The following PCDH15 variants were observed in gnomAD, a reference collection of about 807,000 sequenced individuals.
PCDH15 encodes protocadherin-15.
A neutral mutation model predicts 178.5 loss-of-function variants in PCDH15; 129 were observed. The observed-to-expected ratio is 0.72, with a 90% CI of 0.63 to 0.84. The LOEUF (loss-of-function observed/expected upper bound fraction) is 0.84. PCDH15 is among the 40% of genes least tolerant of loss of function. The pLI is 0.00. For missense variants in PCDH15, 2,230 were observed against 2,099.9 expected, an observed-to-expected ratio of 1.06 and a Z score of -1.21; for synonymous variants, 800 against 732.0, an observed-to-expected ratio of 1.09 and a Z score of -1.50.
intron 3 of PCDH15, among the ~76,000 whole-genome samples, chr10:54,834,747 C>T (rs889259496): frequency 1.6e-4 from 25 of 152,078 alleles, no homozygotes; most frequent in Non-Finnish European, 3.5e-4. Context: ...GATTTAATGA[C>T]CCACAATTAT....
chr10:55,402,551 T>A (rs1031982959), intron 2 of PCDH15, among the ~76,000 whole-genome samples: 4 of 151,940 alleles, frequency 2.6e-5, no homozygotes, highest in African/African-American at 9.7e-5. Context: ...TACTCTCTAC[T>A]CCACAAGTGA....
At chr10:54,459,303 A>G (rs1437289722) in intron 3 of PCDH15, among the ~76,000 whole-genome samples, 1 of 152,120 alleles carries the variant, frequency 6.6e-6, no homozygotes, top group Non-Finnish European at 1.5e-5. Context: ...AAAAGTACAT[A>G]TAGCTCATGT....
In PCDH15 at chr10:55,311,858, G is replaced by A. The variant is rs78188022; in HGVS notation, c.-156+7741C>T. Among the ~76,000 whole-genome samples, 1,204 of 152,276 alleles carry A rather than the reference G, an allele frequency of 7.9e-3. 21 individuals carry two copies. Among genetic ancestry groups the A allele is most frequent in the African/African-American group, 0.028 (1,162 of 41,558 alleles). ...AATACTCTTCCAACAGCCAAAAAAG[G>A]TTGTTTCTTAAAATTTTGATCTTAG... is the stretch of plus-strand genomic sequence containing the variant. On this transcript the variant is annotated intron_variant, in intron 1 of 5. Transcript: ENST00000458638.
chr10:55,264,828 TG>T (rs1162745855), intron 1 of PCDH15, among the ~76,000 whole-genome samples: 5 of 152,168 alleles, frequency 3.3e-5, no homozygotes, highest in Non-Finnish European at 7.4e-5. Context: ...TGAGACCCTT[TG>T]GCAGCTGGAA....
intron 2 of PCDH15, among the ~76,000 whole-genome samples, chr10:55,515,260 T>C (rs2132156687): frequency 6.6e-6 from 1 of 152,162 alleles, no homozygotes; most frequent in East Asian, 1.9e-4. Flanking sequence ...ATTACAGGCA[T>C]GAGCCACTGC....
chr10:54,316,546 ACACACACACACACACACACACACACACAC>A (rs1449024032), intron 8 of PCDH15, among the ~76,000 whole-genome samples: 6 of 98,524 alleles, frequency 6.1e-5, no homozygotes, highest in East Asian at 2.0e-4. Context: ...ACACACACAC[ACACACACACACACACACACACACACACAC>A]AAATACACCT....
At chr10:54,158,103 C>T (rs2045338369) in intron 13 of PCDH15, among the ~76,000 whole-genome samples, 2 of 152,160 alleles carry the variant, frequency 1.3e-5, no homozygotes, top group Admixed American at 6.6e-5. Flanking sequence ...CCAACCTCTG[C>T]CTGTTACTCA....
At chr10:55,506,602 T>C (rs1279794778) in intron 2 of PCDH15, among the ~76,000 whole-genome samples, 1 of 151,386 alleles carries the variant, frequency 6.6e-6, no homozygotes, top group East Asian at 1.9e-4. Flanking sequence ...CTAGAAGAGG[T>C]ATCGAGGAGG....
intron 26 of PCDH15, among the ~76,000 whole-genome samples, chr10:53,878,369 T>C (rs933752691): frequency 6.9e-6 from 1 of 145,890 alleles, no homozygotes; most frequent in African/African-American, 2.5e-5. Context: ...ACTCATATAA[T>C]ATATTCTATA....
intron 2 of PCDH15, among the ~76,000 whole-genome samples, chr10:55,590,230 G>A (rs1179490652): frequency 6.7e-6 from 1 of 148,662 alleles, no homozygotes; most frequent in Admixed American, 6.8e-5. Flanking sequence ...ACCAAACACC[G>A]CATGTTCTCA....
chr10:55,065,868 C>T (rs932150370), intron 2 of PCDH15, among the ~76,000 whole-genome samples: 1 of 151,798 alleles, frequency 6.6e-6, no homozygotes, highest in African/African-American at 2.4e-5. Flanking sequence ...TATTTCATAC[C>T]GACTAAGAAT....
intron 1 of PCDH15, among the ~76,000 whole-genome samples, chr10:55,261,810 G>A (rs578139859): frequency 9.8e-4 from 149 of 152,216 alleles, no homozygotes; most frequent in East Asian, 4.8e-3. Context: ...CAGAAACTAT[G>A]TGTGTCTTAC....
At chr10:54,497,704 T>C (rs528088873) in intron 3 of PCDH15, among the ~76,000 whole-genome samples, 1 of 152,008 alleles carries the variant, frequency 6.6e-6, no homozygotes, top group South Asian at 2.1e-4. Flanking sequence ...GGAAAGAACC[T>C]CCAGGGCTTG....
chr10:54,269,638 A>C (rs375900681), intron 8 of PCDH15, among the ~76,000 whole-genome samples: 1 of 151,974 alleles, frequency 6.6e-6, no homozygotes, highest in African/African-American at 2.4e-5. Flanking sequence ...TCAATTTTAA[A>C]GTTCCATTTG....
chr10:54,468,846 A>G (rs992407097), intron 3 of PCDH15, among the ~76,000 whole-genome samples: 2 of 152,140 alleles, frequency 1.3e-5, no homozygotes, highest in African/African-American at 4.8e-5. Context: ...TGCTGTGCAT[A>G]TATTTACAGT....
At chr10:54,306,844 T>C (rs1408402459) in intron 8 of PCDH15, among the ~76,000 whole-genome samples, 2 of 150,596 alleles carry the variant, frequency 1.3e-5, no homozygotes, top group Non-Finnish European at 3.0e-5. Context: ...ACATGATCCA[T>C]CTCCAACCCC....
intron 1 of PCDH15, among the ~76,000 whole-genome samples, chr10:55,262,521 G>A (rs1842172000): frequency 6.6e-6 from 1 of 152,144 alleles, no homozygotes; most frequent in Admixed American, 6.5e-5. Context: ...GCTGAATATT[G>A]AGAAGAACAC....
chr10:54,414,793 T>G (rs966879174), intron 3 of PCDH15, among the ~76,000 whole-genome samples: 1 of 152,190 alleles, frequency 6.6e-6, no homozygotes, highest in Non-Finnish European at 1.5e-5. Flanking sequence ...TAGTAAGTAG[T>G]AGAGCCAGGT....
At chr10:55,441,205 G>A (rs1839176267) in intron 2 of PCDH15, among the ~76,000 whole-genome samples, 2 of 152,182 alleles carry the variant, frequency 1.3e-5, no homozygotes, top group African/African-American at 4.8e-5. Context: ...TGTAAGATTA[G>A]TTTTACCCAC....
Sources: gnomAD v4.1 joint callset for allele counts (sites outside exome capture counted in the v4.1 genomes callset) on GRCh38, gnomAD v4.1.1 for gene constraint, MANE v1.5 for transcripts, NCBI Gene and HGNC (gene_info 2026-07-23, HGNC 2026-07-21) for gene names.